Variants in DPH6 observed in about 807,000 individuals in gnomAD.
DPH6 encodes diphthamine biosynthesis 6.
A neutral mutation model predicts 38.2 loss-of-function variants in DPH6; 33 were observed. The ratio of observed to expected loss-of-function variants is 0.86; its 90% CI spans 0.65 to 1.15. The LOEUF is 1.15. Among genes scored for constraint, DPH6 ranks in the 50% most tolerant of loss-of-function variants. DPH6 has a pLI of 0.00. For missense variants in DPH6, 325 were observed against 320.0 expected (o/e 1.02, Z -0.12); for synonymous variants, 108 against 103.0 (o/e 1.05, Z -0.30).
At chr15:35,195,316 C>T in the DPH6 span, among the ~76,000 whole-genome samples, 1 of 152,150 alleles carries the variant, frequency 6.6e-6, no homozygotes, top group Admixed American at 6.5e-5. Flanking sequence ...CATTCATCCA[C>T]TGATGGACAC....
chr15:35,228,160 C>T (rs1348528153), intron 3 of DPH6, among the ~76,000 whole-genome samples: 1 of 152,180 alleles, frequency 6.6e-6, no homozygotes, highest in Admixed American at 6.5e-5. Flanking sequence ...TGTAGACCAA[C>T]ATTGTTTGCA....
intron 6 of DPH6, among the ~76,000 whole-genome samples, chr15:35,403,705 G>A (rs2053252171): frequency 6.6e-6 from 1 of 151,840 alleles, no homozygotes; most frequent in African/African-American, 2.4e-5. Flanking sequence ...TCGACAGTTT[G>A]CCACATTGCC....
the DPH6 span, among the ~76,000 whole-genome samples, chr15:35,167,147 A>G: frequency 6.6e-6 from 1 of 152,026 alleles, no homozygotes; most frequent in Non-Finnish European, 1.5e-5. Flanking sequence ...GGGGCAAACA[A>G]AAGCCTGCTT....
chr15:35,262,881 A>T (rs2051758543), intron 3 of DPH6, among the ~76,000 whole-genome samples: 1 of 152,148 alleles, frequency 6.6e-6, no homozygotes. Context: ...TCATGCTTAC[A>T]TGTCTTAAAG....
chr15:35,213,131 G>A (rs1566840650), downstream of DPH6, among the ~76,000 whole-genome samples: 1 of 152,160 alleles, frequency 6.6e-6, no homozygotes, highest in African/African-American at 2.4e-5. Context: ...TCTGTCTGAG[G>A]TAAGGCCTGG....
chr15:35,436,526 T>C (rs2053716813), intron 5 of DPH6, among the ~76,000 whole-genome samples: 2 of 33,206 alleles, frequency 6.0e-5, no homozygotes, highest in African/African-American at 1.4e-4. Context: ...AAAAAGGTTC[T>C]CTCCCTGTTC....
chr15:35,337,676 A>C (rs1015740563), intron 3 of DPH6, among the ~76,000 whole-genome samples: 1 of 152,190 alleles, frequency 6.6e-6, no homozygotes, highest in Non-Finnish European at 1.5e-5. Flanking sequence ...AATTGGAAAA[A>C]ACTACTTTAA....
chr15:35,456,838 C>G (rs962951969), intron 3 of DPH6, among the ~76,000 whole-genome samples: 9 of 152,094 alleles, frequency 5.9e-5, no homozygotes, highest in African/African-American at 2.2e-4. Flanking sequence ...TTGCCATTCA[C>G]TAGTGTGCTA....
intron 3 of DPH6, among the ~76,000 whole-genome samples, chr15:35,321,073 A>G (rs1481937062): frequency 6.6e-6 from 1 of 152,248 alleles, no homozygotes; most frequent in Non-Finnish European, 1.5e-5. Context: ...CTCTGGTCCC[A>G]TGATGACCTC....
the DPH6 span, among the ~76,000 whole-genome samples, chr15:35,146,796 TA>T: frequency 6.6e-6 from 1 of 152,174 alleles, no homozygotes; most frequent in East Asian, 1.9e-4. Context: ...CTTCTTTATT[TA>T]AAATGGTATT....
downstream of DPH6, among the ~76,000 whole-genome samples, chr15:35,328,315 A>G (rs370510425): frequency 6.6e-6 from 1 of 152,048 alleles, no homozygotes; most frequent in African/African-American, 2.4e-5. Context: ...TGACACCTGG[A>G]ATGCAAAAAT....
rs142583626 is a variant in DPH6, at chr15:35,449,352, A to G, written c.505+1333T>C. ...CTCTAATCCCTACAGAGAGGCACAG[A>G]TAGAAATGAAAGAACACACAATATC... On this transcript the variant is annotated intron_variant, in intron 5 of 8. Coordinates refer to ENST00000256538, the MANE Select transcript of DPH6 (RefSeq NM_080650.4). Among the ~76,000 whole-genome samples the G allele has an allele frequency of 7.9e-5, 12 of 152,234 alleles. No homozygotes were observed. The East Asian group carries it at 2.3e-3, about 29-fold the overall frequency.
chr15:35,410,296 A>G (rs1177418835), intron 6 of DPH6, among the ~76,000 whole-genome samples: 1 of 151,894 alleles, frequency 6.6e-6, no homozygotes, highest in Non-Finnish European at 1.5e-5. Flanking sequence ...CTAATAAAAT[A>G]TAGTACATTT....
chr15:35,415,965 A>G (rs2053430710), intron 5 of DPH6, among the ~76,000 whole-genome samples: 1 of 151,940 alleles, frequency 6.6e-6, no homozygotes, highest in Non-Finnish European at 1.5e-5. Flanking sequence ...GTGTACCTAT[A>G]GGTTTGGTAA....
At chr15:35,148,585 A>C in the DPH6 span, among the ~76,000 whole-genome samples, 2 of 152,190 alleles carry the variant, frequency 1.3e-5, no homozygotes, top group African/African-American at 4.8e-5. Context: ...ATACTTAGTC[A>C]ACACGTGTTC....
the DPH6 span, among the ~76,000 whole-genome samples, chr15:35,165,769 G>A: frequency 1.2e-4 from 18 of 151,788 alleles, no homozygotes; most frequent in Admixed American, 2.6e-4. Context: ...AGTCTACTTC[G>A]CCAGCTAATC....
intron 3 of DPH6, among the ~76,000 whole-genome samples, chr15:35,256,514 T>A (rs1323385289): frequency 6.6e-6 from 1 of 152,368 alleles, no homozygotes; most frequent in South Asian, 2.1e-4. Context: ...GTATTCAATG[T>A]ACTAAAATAT....
chr15:35,478,332 AG>A (rs1183166955), intron 3 of DPH6, among the ~76,000 whole-genome samples: 1 of 150,230 alleles, frequency 6.7e-6, no homozygotes, highest in African/African-American at 2.4e-5. Context: ...AGAAAACACT[AG>A]GAATACTTTA....
At chr15:35,519,326 A>T (rs2054889515) in intron 3 of DPH6, 1 of 151,968 alleles carries the variant, frequency 6.6e-6, no homozygotes, top group African/African-American at 2.4e-5. Flanking sequence ...AATTTTAGGC[A>T]GCCCACTCAG....
Sources: gnomAD v4.1 joint callset for allele counts (sites outside exome capture counted in the v4.1 genomes callset) on GRCh38, gnomAD v4.1.1 for gene constraint, MANE v1.5 for transcripts, NCBI Gene and HGNC (gene_info 2026-07-23, HGNC 2026-07-21) for gene names.